Variants in SLC39A11 observed in about 807,000 individuals in gnomAD.
The protein encoded by SLC39A11 is zinc transporter ZIP11.
A neutral mutation model predicts 36.1 loss-of-function variants in SLC39A11; 33 were observed. The observed-to-expected ratio is 0.91, with a 90% CI of 0.69 to 1.22. The LOEUF (loss-of-function observed/expected upper bound fraction) is 1.22, where lower values mean the gene tolerates loss of function less well. Ranked by LOEUF, SLC39A11 falls within the 50% of genes most tolerant of loss-of-function variation. SLC39A11 has a pLI of 0.00. For missense variants in SLC39A11, 432 were observed against 430.3 expected (o/e 1.00, Z -0.03); for synonymous variants, 166 against 170.3 (o/e 0.97, Z 0.20).
intron 5 of SLC39A11, among the ~76,000 whole-genome samples, chr17:72,861,348 C>T (rs957803024): frequency 6.6e-6 from 1 of 152,056 alleles, no homozygotes; most frequent in African/African-American, 2.4e-5. Flanking sequence ...GAGGGGACTG[C>T]TGCCCTTCAA....
intron 5 of SLC39A11, among the ~76,000 whole-genome samples, chr17:72,924,610 A>G (rs2083920738): frequency 6.6e-6 from 1 of 152,158 alleles, no homozygotes; most frequent in Non-Finnish European, 1.5e-5. Context: ...AGCCTGAGAA[A>G]GCTACCAAGT....
chr17:72,683,562 C>A (rs1350749750), intron 7 of SLC39A11, among the ~76,000 whole-genome samples: 2 of 151,982 alleles, frequency 1.3e-5, no homozygotes, highest in Non-Finnish European at 2.9e-5. Context: ...GTCTCGGACT[C>A]CTAGGCTCAA....
intron 5 of SLC39A11, among the ~76,000 whole-genome samples, chr17:72,898,718 TC>T (rs1414582417): frequency 6.6e-6 from 1 of 152,238 alleles, no homozygotes; most frequent in Non-Finnish European, 1.5e-5. Flanking sequence ...ACGTAGACAC[TC>T]ATATAGATAT....
At chr17:72,796,977 G>T (rs1006256361) in intron 6 of SLC39A11, among the ~76,000 whole-genome samples, 1 of 152,166 alleles carries the variant, frequency 6.6e-6, no homozygotes, top group African/African-American at 2.4e-5. Context: ...TGTGTCAGAA[G>T]GGAGCTGTCC....
chr17:73,055,782 G>A (rs1281368280), intron 3 of SLC39A11, among the ~76,000 whole-genome samples: 1 of 152,076 alleles, frequency 6.6e-6, no homozygotes, highest in Non-Finnish European at 1.5e-5. Context: ...CATAGCAGCT[G>A]AGCGTCAGTC....
chr17:72,901,453 C>T (rs1198708038), intron 5 of SLC39A11, among the ~76,000 whole-genome samples: 4 of 152,190 alleles, frequency 2.6e-5, no homozygotes, highest in African/African-American at 9.7e-5. Context: ...TGTGTCCTGT[C>T]TCCGTACATA....
intron 3 of SLC39A11, among the ~76,000 whole-genome samples, chr17:73,063,752 C>A (rs1160459112): frequency 2.0e-5 from 3 of 152,172 alleles, no homozygotes; most frequent in Non-Finnish European, 2.9e-5. Flanking sequence ...ATATTTGGGG[C>A]TCCTGAGCCC....
intron 4 of SLC39A11, among the ~76,000 whole-genome samples, chr17:72,955,925 G>A (rs772300113): frequency 3.3e-5 from 5 of 152,036 alleles, no homozygotes; most frequent in Admixed American, 6.6e-5. Flanking sequence ...CACCCCTGCC[G>A]TCTATCCTCT....
At chr17:72,817,672 A>G (rs1362017807) in intron 6 of SLC39A11, among the ~76,000 whole-genome samples, 1 of 152,142 alleles carries the variant, frequency 6.6e-6, no homozygotes, top group Non-Finnish European at 1.5e-5. Flanking sequence ...ATTGTGAAAA[A>G]TGTATTCCTT....
At chr17:72,880,484 A>G (rs2081140735) in intron 5 of SLC39A11, among the ~76,000 whole-genome samples, 1 of 152,122 alleles carries the variant, frequency 6.6e-6, no homozygotes, top group Non-Finnish European at 1.5e-5. Context: ...ATGTGTGAGG[A>G]TAACTTGAGC....
chr17:72,713,248 TA>T (rs1249295387), intron 7 of SLC39A11, among the ~76,000 whole-genome samples: 1 of 152,124 alleles, frequency 6.6e-6, no homozygotes, highest in East Asian at 1.9e-4. Context: ...GCCACAGTCC[TA>T]AAGCCTGGGT....
chr17:72,841,083 CCTAA>C (rs1337609485), intron 6 of SLC39A11, among the ~76,000 whole-genome samples: 1 of 152,046 alleles, frequency 6.6e-6, no homozygotes, highest in Admixed American at 6.6e-5. Flanking sequence ...AATTAGGACA[CCTAA>C]CTCTCAAACA....
At chr17:73,081,221 C>T (rs1038264909) in intron 3 of SLC39A11, among the ~76,000 whole-genome samples, 10 of 151,922 alleles carry the variant, frequency 6.6e-5, no homozygotes, top group African/African-American at 1.9e-4. Context: ...TAAGAAAAAA[C>T]GCTCAACATC....
chr17:72,781,713 C>T (rs1312164911), intron 6 of SLC39A11, among the ~76,000 whole-genome samples: 1 of 152,126 alleles, frequency 6.6e-6, no homozygotes, highest in African/African-American at 2.4e-5. Context: ...GCCACTGTAC[C>T]CGGTCCTTAT....
intron 7 of SLC39A11, among the ~76,000 whole-genome samples, chr17:72,662,806 A>AAGAAAGAGAGAAAGAAAG (rs1045708173): frequency 1.1e-4 from 16 of 152,126 alleles, no homozygotes; most frequent in Admixed American, 7.2e-4. Context: ...GAAGAAAGAG[A>AAGAAAGAGAGAAAGAAAG]AGAAAGAGAG....
At chr17:72,685,136 G>A (rs746012473) in intron 7 of SLC39A11, among the ~76,000 whole-genome samples, 13 of 149,338 alleles carry the variant, frequency 8.7e-5, no homozygotes, top group Non-Finnish European at 1.5e-4. Flanking sequence ...ATTGGGTGCC[G>A]GGGACACAGG....
intron 5 of SLC39A11, among the ~76,000 whole-genome samples, chr17:72,889,759 T>C (rs531721141): frequency 5.1e-4 from 77 of 152,316 alleles, no homozygotes; most frequent in African/African-American, 1.8e-3. Context: ...AGTAATTTTA[T>C]CCTGAGCCAC....
At chr17:72,879,940 A>G (rs1019352819) in intron 5 of SLC39A11, among the ~76,000 whole-genome samples, 1 of 152,194 alleles carries the variant, frequency 6.6e-6, no homozygotes, top group Admixed American at 6.5e-5. Context: ...CTGACCAATC[A>G]GTGACCCCCA....
chr17:73,042,366 C>G (rs934969736), intron 3 of SLC39A11, among the ~76,000 whole-genome samples: 2 of 152,196 alleles, frequency 1.3e-5, no homozygotes, highest in African/African-American at 4.8e-5. Flanking sequence ...TTCAAAAGAA[C>G]AGCACCCAAC....
Sources: gnomAD v4.1 joint callset for allele counts (sites outside exome capture counted in the v4.1 genomes callset) on GRCh38, gnomAD v4.1.1 for gene constraint, MANE v1.5 for transcripts, NCBI Gene and HGNC (gene_info 2026-07-23, HGNC 2026-07-21) for gene names.